Variants in LRRC4C observed in about 807,000 individuals in gnomAD.
The protein encoded by LRRC4C is leucine rich repeat containing 4C, also known as leucine-rich repeat-containing protein 4C.
Under a neutral mutation model 33.6 loss-of-function variants are expected in LRRC4C, and 5 were observed. The ratio of observed to expected loss-of-function variants is 0.15; its 90% CI spans 0.08 to 0.31. LRRC4C has a LOEUF of 0.31. Ranked by LOEUF, LRRC4C falls within the 10% of genes least tolerant of loss-of-function variation. The pLI, the probability that LRRC4C is intolerant of heterozygous loss-of-function variation, is 1.00. For missense variants in LRRC4C, 560 were observed against 796.7 expected (o/e 0.70, Z 3.58); for synonymous variants, 329 against 302.0 (o/e 1.09, Z -0.93).
At chr11:40,586,376 C>T (rs1341761813) in intron 3 of LRRC4C, among the ~76,000 whole-genome samples, 1 of 146,472 alleles carries the variant, frequency 6.8e-6, no homozygotes, top group Non-Finnish European at 1.5e-5. Flanking sequence ...GGATATTAGC[C>T]CTTTGTCAGA....
In LRRC4C at chr11:40,534,608, A is replaced by G. The variant is rs188261448; in HGVS notation, c.-270+113534T>C. Among the ~76,000 whole-genome samples, 39 of 152,284 alleles carry G rather than the reference A, an allele frequency of 2.6e-4. 1 individual carries two copies. The highest frequency in any genetic ancestry group is 2.0e-4 in the Admixed American group (3 of 15,276). ...ATGCCTGCCACATAGTAAGCTCTCA[A>G]TAAATGTTAGCAACTCTTGACATTC... On this transcript the variant is annotated intron_variant, in intron 3 of 6. Coordinates refer to ENST00000528697, the MANE Select transcript of LRRC4C (RefSeq NM_001258419.2).
At chr11:40,777,282 T>C (rs1950038895) in intron 2 of LRRC4C, among the ~76,000 whole-genome samples, 2 of 152,172 alleles carry the variant, frequency 1.3e-5, no homozygotes, top group South Asian at 4.1e-4. Context: ...TTGTTGTTAG[T>C]TTTCTACCTT....
chr11:41,438,577 C>A (rs889488504), intron 1 of LRRC4C, among the ~76,000 whole-genome samples: 3 of 152,038 alleles, frequency 2.0e-5, no homozygotes, highest in African/African-American at 7.2e-5. Flanking sequence ...ATCCCTGGAG[C>A]CCCTCTCAGA....
intron 1 of LRRC4C, among the ~76,000 whole-genome samples, chr11:40,943,771 A>T (rs1565226382): frequency 6.6e-6 from 1 of 152,216 alleles, no homozygotes; most frequent in South Asian, 2.1e-4. Flanking sequence ...TGTGGAATAC[A>T]TTCAACTTCC....
At chr11:40,166,462 A>G (rs1228345690) in intron 5 of LRRC4C, among the ~76,000 whole-genome samples, 1 of 152,148 alleles carries the variant, frequency 6.6e-6, no homozygotes, top group Non-Finnish European at 1.5e-5. Flanking sequence ...CAGTTACTGG[A>G]AGAGAGTCTA....
chr11:40,448,037 G>C (rs767398325), intron 3 of LRRC4C, among the ~76,000 whole-genome samples: 1 of 151,890 alleles, frequency 6.6e-6, no homozygotes, highest in Non-Finnish European at 1.5e-5. Context: ...AGCTGGTCTC[G>C]AACTCCTGAC....
chr11:41,162,792 G>A (rs149042610), intron 1 of LRRC4C, among the ~76,000 whole-genome samples: 274 of 152,340 alleles, frequency 1.8e-3, no homozygotes, highest in Non-Finnish European at 2.9e-3. Context: ...AGTGGTGAAT[G>A]TGAAGGCCTG....
chr11:40,591,058 T>A, intron 3 of LRRC4C, among the ~76,000 whole-genome samples: 1 of 152,100 alleles, frequency 6.6e-6, no homozygotes, highest in Non-Finnish European at 1.5e-5. Context: ...TGGGCAATGG[T>A]GGGCGCCCCT....
chr11:40,894,089 C>T (rs779734414), intron 2 of LRRC4C, among the ~76,000 whole-genome samples: 3 of 152,114 alleles, frequency 2.0e-5, no homozygotes, highest in Non-Finnish European at 2.9e-5. Context: ...TTCTTAGATG[C>T]TTTGCAGATC....
intron 2 of LRRC4C, among the ~76,000 whole-genome samples, chr11:40,792,489 A>G (rs1220279873): frequency 2.0e-5 from 3 of 152,194 alleles, no homozygotes; most frequent in Non-Finnish European, 4.4e-5. Context: ...AGGAAACAAC[A>G]GGTGTTGGAG....
chr11:40,282,362 A>AAACAC (rs1305505565), intron 4 of LRRC4C, among the ~76,000 whole-genome samples: 1 of 152,056 alleles, frequency 6.6e-6, no homozygotes, highest in Non-Finnish European at 1.5e-5. Context: ...AAACAAAACA[A>AAACAC]AACAACAAAA....
At chr11:41,178,387 T>A (rs929974952) in intron 1 of LRRC4C, among the ~76,000 whole-genome samples, 1 of 152,160 alleles carries the variant, frequency 6.6e-6, no homozygotes, top group African/African-American at 2.4e-5. Flanking sequence ...TGAGACTGGT[T>A]CTTTGACACC....
At chr11:41,125,561 G>GA (rs1425286011) in intron 1 of LRRC4C, among the ~76,000 whole-genome samples, 2 of 151,114 alleles carry the variant, frequency 1.3e-5, no homozygotes, top group Admixed American at 6.6e-5. Flanking sequence ...AACATAGATT[G>GA]AAAAAAAAGC....
chr11:41,116,396 T>C (rs1366207191), intron 1 of LRRC4C, among the ~76,000 whole-genome samples: 1 of 152,164 alleles, frequency 6.6e-6, no homozygotes, highest in Non-Finnish European at 1.5e-5. Context: ...TTTATATCTA[T>C]ATTTAATCAA....
chr11:40,811,727 C>T (rs1180610253), intron 2 of LRRC4C, among the ~76,000 whole-genome samples: 2 of 152,130 alleles, frequency 1.3e-5, no homozygotes, highest in African/African-American at 4.8e-5. Flanking sequence ...AAACTCTGAG[C>T]TCAAGCAATA....
At position 40,668,323 on chromosome 11, in the gene LRRC4C, A is replaced by G. The variant is rs1052452938; in HGVS notation, c.-406-20045T>C. On this transcript the variant is annotated intron_variant, in intron 2 of 6. Coordinates refer to ENST00000528697, the MANE Select transcript of LRRC4C (RefSeq NM_001258419.2). ...GGAAAGAGTTATGTTTGATAACTGTATCTATTATTGGATATCTGGCAAATC... is the reference window on the plus strand; with the variant it reads ...GGAAAGAGTTATGTTTGATAACTGTGTCTATTATTGGATATCTGGCAAATC... 3.9e-5 allele frequency among the ~76,000 whole-genome samples: 6 copies of G among 152,318 alleles called. 1 individual carries two copies. Among genetic ancestry groups the G allele is most frequent in the Middle Eastern group, 6.8e-3 (2 of 294 alleles).
Position 40,334,585 on chromosome 11 carries a change from C to T in LRRC4C, c.-269-14864G>A, listed in dbSNP as rs1051603064. On this transcript the variant is annotated intron_variant, in intron 3 of 6. Coordinates refer to ENST00000528697, the MANE Select transcript of LRRC4C (RefSeq NM_001258419.2). ...GGTTACTTGCAATAATCAAATAATT[C>T]TAAGCACATTAATGAACAAAGAATA... Among the ~76,000 whole-genome samples the T allele has an allele frequency of 6.6e-5, 10 of 152,138 alleles. No homozygotes were observed. The South Asian group carries it at 1.2e-3, about 19-fold the overall frequency.
At chr11:41,410,357 T>A (rs977237635) in intron 1 of LRRC4C, among the ~76,000 whole-genome samples, 1 of 151,070 alleles carries the variant, frequency 6.6e-6, no homozygotes, top group African/African-American at 2.4e-5. Context: ...TTTCTCTTAA[T>A]CCCTTTCAAA....
intron 5 of LRRC4C, among the ~76,000 whole-genome samples, chr11:40,220,215 G>T (rs546194699): frequency 2.6e-4 from 39 of 152,194 alleles, no homozygotes; most frequent in African/African-American, 9.2e-4. Flanking sequence ...TATCTCCTGT[G>T]CAGAGTAATA....
Sources: gnomAD v4.1 joint callset for allele counts (sites outside exome capture counted in the v4.1 genomes callset) on GRCh38, gnomAD v4.1.1 for gene constraint, MANE v1.5 for transcripts, NCBI Gene and HGNC (gene_info 2026-07-23, HGNC 2026-07-21) for gene names.